The following TESK2 variants were observed in gnomAD, a reference collection of about 807,000 sequenced individuals.
The protein encoded by TESK2 is dual specificity testis-specific protein kinase 2.
Under a neutral mutation model 57.1 loss-of-function variants are expected in TESK2, and 39 were observed. The ratio of observed to expected loss-of-function variants is 0.68; its 90% confidence interval spans 0.53 to 0.89. The LOEUF is 0.89. Among genes scored for constraint, TESK2 ranks in the 40% least tolerant of loss-of-function variants. The probability of loss-of-function intolerance (pLI) is 0.00; values close to 1 mark genes in which losing one functional copy is unlikely to be tolerated. For missense variants in TESK2, 646 were observed against 732.1 expected, an observed-to-expected ratio of 0.88 and a Z score of 1.36; for synonymous variants, 249 against 267.9, an observed-to-expected ratio of 0.93 and a Z score of 0.69.
At chr1:45,419,557 G>A (rs1650379201) in intron 3 of TESK2, among the ~76,000 whole-genome samples, 1 of 152,084 alleles carries the variant, frequency 6.6e-6, no homozygotes. Flanking sequence ...TGTAATCCCA[G>A]CACTTTGGGA....
intron 1 of TESK2, among the ~76,000 whole-genome samples, chr1:45,485,484 G>T (rs1373336871): frequency 6.6e-6 from 1 of 150,518 alleles, no homozygotes; most frequent in East Asian, 2.0e-4. Context: ...ACCGCGCCCA[G>T]CCGACTTTTC....
intron 5 of TESK2, among the ~76,000 whole-genome samples, chr1:45,349,480 C>G (rs944024190): frequency 6.6e-6 from 1 of 152,222 alleles, no homozygotes; most frequent in Non-Finnish European, 1.5e-5. Context: ...GGGCACCAGC[C>G]TGTGAGGCAG....
chr1:45,445,652 G>A (rs1432530804), intron 2 of TESK2, among the ~76,000 whole-genome samples: 2 of 150,744 alleles, frequency 1.3e-5, no homozygotes, highest in African/African-American at 2.4e-5. Flanking sequence ...AAAAATCAGT[G>A]GGCATGGCAG....
intron 2 of TESK2, among the ~76,000 whole-genome samples, chr1:45,442,876 C>G (rs1651498192): frequency 6.6e-6 from 1 of 152,200 alleles, no homozygotes; most frequent in African/African-American, 2.4e-5. Context: ...ACCTCCACCT[C>G]CTGGGTTCAA....
At chr1:45,445,242 C>A (rs900795993) in intron 2 of TESK2, among the ~76,000 whole-genome samples, 1 of 152,056 alleles carries the variant, frequency 6.6e-6, no homozygotes, top group Non-Finnish European at 1.5e-5. Flanking sequence ...AATCCCTAGC[C>A]CCCTGCCTGC....
At chr1:45,469,844 T>G (rs1652695497) in intron 1 of TESK2, among the ~76,000 whole-genome samples, 1 of 152,198 alleles carries the variant, frequency 6.6e-6, no homozygotes, top group Non-Finnish European at 1.5e-5. Flanking sequence ...ATCTGCTGTT[T>G]CTCACCCCTT....
chr1:45,372,787 C>A (rs1160816324), intron 4 of TESK2, among the ~76,000 whole-genome samples: 4 of 151,374 alleles, frequency 2.6e-5, no homozygotes, highest in Non-Finnish European at 5.9e-5. Context: ...GCCTGTAATC[C>A]CAGCACTTTG....
At chr1:45,406,642 C>T (rs886267155) in intron 3 of TESK2, among the ~76,000 whole-genome samples, 2 of 151,946 alleles carry the variant, frequency 1.3e-5, no homozygotes, top group East Asian at 3.9e-4. Flanking sequence ...GGTGACAGAG[C>T]AAGGCTCTGT....
At chr1:45,348,266 A>G (rs986953272) in intron 5 of TESK2, among the ~76,000 whole-genome samples, 1 of 152,210 alleles carries the variant, frequency 6.6e-6, no homozygotes, top group African/African-American at 2.4e-5. Flanking sequence ...AGTGCTAGGC[A>G]TAATTTTAAG....
intron 4 of TESK2, among the ~76,000 whole-genome samples, chr1:45,376,213 C>CTTTTTTTTTTTTTT (rs71052869): frequency 1.2e-5 from 1 of 80,682 alleles, no homozygotes. Flanking sequence ...CTTTCTCTCT[C>CTTTTTTTTTTTTTT]TTTTTTTTTT....
At chr1:45,345,855 G>T in intron 10 of TESK2, 22 bp downstream of exon 10, 1 of 1,593,732 alleles carries the variant, frequency 6.3e-7, no homozygotes, top group Middle Eastern at 1.8e-4. Flanking sequence ...GTTAGGTTGG[G>T]CTCCCTGGTC....
chr1:45,402,239 A>G (rs1649655961), intron 3 of TESK2, among the ~76,000 whole-genome samples: 1 of 151,624 alleles, frequency 6.6e-6, no homozygotes, highest in Non-Finnish European at 1.5e-5. Context: ...AAATAAAAAA[A>G]TTAAATTAGC....
At chr1:45,370,544 A>G (rs1472036141) in intron 4 of TESK2, among the ~76,000 whole-genome samples, 1 of 152,222 alleles carries the variant, frequency 6.6e-6, no homozygotes, top group Non-Finnish European at 1.5e-5. Context: ...ATTATATTGT[A>G]TTATGAGAGC....
At chr1:45,425,044 T>A (rs1355995467) in intron 2 of TESK2, among the ~76,000 whole-genome samples, 5 of 152,168 alleles carry the variant, frequency 3.3e-5, no homozygotes, top group Non-Finnish European at 5.9e-5. Context: ...AACATAGTAC[T>A]GGACACCCTA....
chr1:45,409,261 T>A (rs1300940956), intron 3 of TESK2, among the ~76,000 whole-genome samples: 1 of 152,246 alleles, frequency 6.6e-6, no homozygotes, highest in East Asian at 1.9e-4. Context: ...TCGATGTCTA[T>A]TTTAGACTAG....
intron 2 of TESK2, among the ~76,000 whole-genome samples, chr1:45,436,757 G>C (rs1388842655): frequency 1.3e-5 from 2 of 151,346 alleles, no homozygotes. Flanking sequence ...CAAAGTGCTG[G>C]GATTACAGGC....
At chr1:45,392,477 C>T (rs1245322597) in intron 3 of TESK2, among the ~76,000 whole-genome samples, 1 of 151,778 alleles carries the variant, frequency 6.6e-6, no homozygotes, top group Non-Finnish European at 1.5e-5. Context: ...CAGAAGCTGG[C>T]GGATCACCTC....
chr1:45,374,959 C>T (rs893098745), intron 4 of TESK2, among the ~76,000 whole-genome samples: 1 of 152,202 alleles, frequency 6.6e-6, no homozygotes, highest in Non-Finnish European at 1.5e-5. Context: ...TGTTTTTCTT[C>T]TGCTTTCAAA....
At chr1:45,397,479 A>C (rs1456799960) in intron 3 of TESK2, among the ~76,000 whole-genome samples, 2 of 152,212 alleles carry the variant, frequency 1.3e-5, no homozygotes, top group African/African-American at 2.4e-5. Flanking sequence ...ACAGATCCCG[A>C]TTAAAGTCCA....
Sources: allele counts gnomAD v4.1 joint callset (sites outside exome capture counted in the v4.1 genomes callset), GRCh38; gene constraint gnomAD v4.1.1; transcripts MANE v1.5; gene names NCBI Gene and HGNC (gene_info 2026-07-23, HGNC 2026-07-21).